SBF2: variants seen among roughly 807,000 people sequenced by gnomAD.
The protein encoded by SBF2 is SET binding factor 2, also known as myotubularin-related protein 13.
A neutral mutation model predicts 225.2 loss-of-function variants in SBF2; 112 were observed. That is an observed-to-expected ratio of 0.50 (90% CI 0.43 to 0.58). The LOEUF is 0.58. SBF2 is among the 20% of genes least tolerant of loss of function. The pLI, the probability that SBF2 is intolerant of heterozygous loss-of-function variation, is 0.00. For synonymous variants in SBF2, 763 were observed against 773.3 expected, an observed-to-expected ratio of 0.99 and a Z score of 0.22; for missense variants, 1,996 against 2,206.2, an observed-to-expected ratio of 0.90 and a Z score of 1.91.
rs1392301886 is a variant in SBF2 at position 9,855,677 on chromosome 11, G to GA, written c.2363+780dup. ...AAGGAAACATAACAAGCAAACATAT[G>GA]AAAATAAATCAGGTTGTAAAAAATG... On this transcript the variant is annotated intron_variant, in intron 19 of 39. Coordinates refer to ENST00000256190, the MANE Select transcript of SBF2 (RefSeq NM_030962.4). 2.0e-5 allele frequency among the ~76,000 whole-genome samples: 3 copies of GA among 152,282 alleles called. No individual in the cohort carries two copies. In the East Asian group the frequency reaches 5.8e-4, roughly 29 times the overall value.
At chr11:9,817,424 AAAGT>A (rs1283836611) in intron 28 of SBF2, among the ~76,000 whole-genome samples, 1 of 152,198 alleles carries the variant, frequency 6.6e-6, no homozygotes, top group Non-Finnish European at 1.5e-5. Context: ...CTTCATGAAA[AAAGT>A]AAGGAACATT....
chr11:9,989,690 C>T (rs1337415498), intron 12 of SBF2, 95 bp from the exon 13 acceptor site: 4 of 740,506 alleles, frequency 5.4e-6, no homozygotes, highest in Non-Finnish European at 9.2e-6. Context: ...CCAAAAAAAT[C>T]CAACATATAC....
chr11:10,272,798 C>T (rs1276561286), intron 1 of SBF2, among the ~76,000 whole-genome samples: 4 of 147,324 alleles, frequency 2.7e-5, no homozygotes, highest in South Asian at 2.2e-4. Context: ...ATGCCGGGCG[C>T]GGTGGCTCCC....
chr11:10,081,810 G>GTA (rs1445766514), intron 2 of SBF2, among the ~76,000 whole-genome samples: 3 of 149,982 alleles, frequency 2.0e-5, no homozygotes, highest in Non-Finnish European at 4.4e-5. Context: ...ACCTGACATT[G>GTA]TATCTCAAGG....
intron 1 of SBF2, among the ~76,000 whole-genome samples, chr11:10,200,563 G>C (rs1243139226): frequency 3.3e-5 from 5 of 152,068 alleles, no homozygotes; most frequent in Admixed American, 1.3e-4. Context: ...ATGCTGTTCT[G>C]TACCTGTACA....
intron 2 of SBF2, among the ~76,000 whole-genome samples, chr11:10,072,858 A>G (rs7947588): frequency 0.52 from 77,950 of 150,834 alleles, 20,552 homozygotes; most frequent in Admixed American, 0.61. Flanking sequence ...TCAAGTAGCT[A>G]GGACTACAGA....
intron 2 of SBF2, among the ~76,000 whole-genome samples, chr11:10,070,122 T>C (rs998422971): frequency 6.6e-6 from 1 of 152,208 alleles, no homozygotes; most frequent in Non-Finnish European, 1.5e-5. Context: ...TTCACTCTGA[T>C]GGTAGTTTCT....
At chr11:10,166,302 A>G (rs1955947024) in intron 2 of SBF2, among the ~76,000 whole-genome samples, 1 of 152,188 alleles carries the variant, frequency 6.6e-6, no homozygotes, top group South Asian at 2.1e-4. Flanking sequence ...ACTTCATAAC[A>G]TTTTCATCAC....
At chr11:9,808,701 G>A in intron 31 of SBF2, 200 bp downstream of exon 31, 1 of 499,580 alleles carries the variant, frequency 2.0e-6, no homozygotes, top group East Asian at 3.8e-5. Context: ...CTTGATGCCC[G>A]GAGCCAGAGC....
In SBF2 at chr11:9,862,369, T is replaced by C. The variant is rs78733788; in HGVS notation, c.1930-3973A>G. Among the ~76,000 whole-genome samples the C allele has an allele frequency of 6.3e-3, 963 of 152,178 alleles. 1 individual carries two copies. The highest frequency in any genetic ancestry group is 9.7e-3 in the Non-Finnish European group (659 of 67,992). ...ACTCCATCATGGCTTGATCTACAAA[T>C]TGCAAAAATGGAACTTTGCAGTCAG... On this transcript the variant is annotated intron_variant, in intron 17 of 39. Transcript: ENST00000256190.
chr11:10,236,545 C>T (rs891910194), intron 1 of SBF2, among the ~76,000 whole-genome samples: 3 of 152,238 alleles, frequency 2.0e-5, no homozygotes, highest in East Asian at 1.9e-4. Flanking sequence ...CTGCAACCTC[C>T]GCCTCCTGGG....
intron 28 of SBF2, chr11:9,828,206 GTCC>G: frequency 7.8e-7 from 1 of 1,289,494 alleles, no homozygotes; most frequent in Non-Finnish European, 1.0e-6. Flanking sequence ...CATTCTTGAA[GTCC>G]TCCTTTCAGT....
At chr11:9,961,200 T>A (rs1195663052) in intron 16 of SBF2, 2 of 152,222 alleles carry the variant, frequency 1.3e-5, no homozygotes, top group African/African-American at 4.8e-5. Flanking sequence ...CTTGTTTCTT[T>A]CATAAATTTG....
chr11:10,266,484 C>T (rs916652890), intron 1 of SBF2, among the ~76,000 whole-genome samples: 1 of 152,056 alleles, frequency 6.6e-6, no homozygotes, highest in Non-Finnish European at 1.5e-5. Flanking sequence ...GTTTAGATAC[C>T]GTGAGACATT....
At chr11:10,243,326 G>A (rs957976092) in intron 1 of SBF2, among the ~76,000 whole-genome samples, 12 of 151,482 alleles carry the variant, frequency 7.9e-5, no homozygotes, top group South Asian at 4.2e-4. Context: ...AGCAAAAGCC[G>A]TACTAAGATT....
intron 2 of SBF2, among the ~76,000 whole-genome samples, chr11:10,094,051 C>A (rs1177462575): frequency 6.6e-6 from 1 of 152,166 alleles, no homozygotes; most frequent in Non-Finnish European, 1.5e-5. Context: ...TAACTTTTGG[C>A]CGGGTGCGGT....
At chr11:10,254,954 A>C (rs1486207641) in intron 1 of SBF2, among the ~76,000 whole-genome samples, 1 of 148,764 alleles carries the variant, frequency 6.7e-6, no homozygotes, top group East Asian at 1.9e-4. Context: ...ATTATTTTCA[A>C]AAACATCAAT....
At chr11:9,916,018 T>C (rs528988870) in intron 16 of SBF2, among the ~76,000 whole-genome samples, 1 of 152,250 alleles carries the variant, frequency 6.6e-6, no homozygotes, top group Admixed American at 6.5e-5. Flanking sequence ...GAGCCAAGAT[T>C]GCACCACTGT....
intron 16 of SBF2, among the ~76,000 whole-genome samples, chr11:9,909,244 T>C (rs1421993168): frequency 1.3e-5 from 2 of 152,212 alleles, no homozygotes; most frequent in South Asian, 4.1e-4. Flanking sequence ...GAACTCACTT[T>C]AGCCTAACCA....
Sources: gnomAD v4.1 joint callset for allele counts (sites outside exome capture counted in the v4.1 genomes callset) on GRCh38, gnomAD v4.1.1 for gene constraint, MANE v1.5 for transcripts, NCBI Gene and HGNC (gene_info 2026-07-23, HGNC 2026-07-21) for gene names.